The following RPAP2 variants were observed in gnomAD, a reference collection of about 807,000 sequenced individuals.
RPAP2 encodes the protein putative RNA polymerase II subunit B1 CTD phosphatase RPAP2.
Under a neutral mutation model 73.1 loss-of-function variants are expected in RPAP2, and 52 were observed. The observed-to-expected ratio is 0.71, with a 90% CI of 0.57 to 0.90. RPAP2 has a LOEUF of 0.90. Ranked by LOEUF, RPAP2 falls within the 40% of genes least tolerant of loss-of-function variation. RPAP2 has a pLI of 0.00. For missense variants in RPAP2, 598 were observed against 701.8 expected (o/e 0.85, Z 1.67); for synonymous variants, 225 against 242.1 (o/e 0.93, Z 0.65).
At chr1:92,325,656 A>C (rs1652579914) in intron 8 of RPAP2, among the ~76,000 whole-genome samples, 2 of 152,180 alleles carry the variant, frequency 1.3e-5, no homozygotes, top group South Asian at 4.1e-4. Flanking sequence ...TCACATATGA[A>C]TGTCCTGATG....
Position 92,387,878 on chromosome 1 carries a change from A to C in RPAP2, c.*867A>C, listed in dbSNP as rs951489739. The C allele has an allele frequency of 3.9e-5, 6 of 152,196 alleles. No homozygotes were observed. The highest frequency in any genetic ancestry group is 6.5e-5 in the Admixed American group (1 of 15,268). The allele number at this position is 152,196 out of a possible 1,614,324, so 9.4% of individuals were successfully genotyped here. On this transcript the variant is annotated 3_prime_UTR_variant, in exon 13 of 13. Coordinates refer to ENST00000610020, the MANE Select transcript of RPAP2 (RefSeq NM_024813.3). ...ACTTCAGTTCAGGTTGTATGGCAGT[A>C]GGCCATAGAATTGGCTACTGCCATA...
intron 11 of RPAP2, among the ~76,000 whole-genome samples, chr1:92,354,379 A>G (rs1557620600): frequency 6.6e-6 from 1 of 152,240 alleles, no homozygotes; most frequent in Non-Finnish European, 1.5e-5. Flanking sequence ...AATGATAAAG[A>G]AAAGCTTTTC....
At chr1:92,380,278 CAAA>C (rs66801616) in intron 11 of RPAP2, among the ~76,000 whole-genome samples, 1 of 117,224 alleles carries the variant, frequency 8.5e-6, no homozygotes, top group Non-Finnish European at 1.9e-5. Context: ...GACTCTGCCT[CAAA>C]AAAAAAAAAA....
At chr1:92,352,030 G>A (rs1168996434) in intron 11 of RPAP2, among the ~76,000 whole-genome samples, 1 of 152,022 alleles carries the variant, frequency 6.6e-6, no homozygotes, top group African/African-American at 2.4e-5. Flanking sequence ...AAAGGATAGA[G>A]GATAAAGTGA....
At chr1:92,377,428 T>C (rs1425632560) in intron 11 of RPAP2, among the ~76,000 whole-genome samples, 1 of 145,298 alleles carries the variant, frequency 6.9e-6, no homozygotes, top group Non-Finnish European at 1.5e-5. Flanking sequence ...TGAGGCAGGA[T>C]AATCGCTTGA....
At chr1:92,328,603 C>T (rs997365223) in intron 8 of RPAP2, among the ~76,000 whole-genome samples, 4 of 152,166 alleles carry the variant, frequency 2.6e-5, no homozygotes, top group East Asian at 1.9e-4. Flanking sequence ...TCTGGTGCCT[C>T]CTTGATTAGC....
intron 10 of RPAP2, among the ~76,000 whole-genome samples, chr1:92,344,232 A>G (rs1653757421): frequency 6.6e-6 from 1 of 152,158 alleles, no homozygotes; most frequent in Admixed American, 6.6e-5. Context: ...CAACATAGTG[A>G]AAGCCCACCT....
Position 92,324,113 on chromosome 1 carries a change from C to G in RPAP2, c.1193C>G (p.Pro398Arg). ...GQNYASVCLK[P>R]EASLVKEELD... ...AATTATGCTTCTGTGTGTCTGAAAC[C>G]CGAAGCCTCTCTGGTTAAAGAAGAA... Residue 398 changes from proline (P) to arginine (R), a missense_variant, in exon 8 of 13, where the codon CCC becomes CGC. By Grantham distance (103) the Pro-to-Arg change is moderately radical. This residue lies in a region of RPAP2 where 506 missense variants were observed against 612.8 expected (regional missense o/e 0.83). Transcript: ENST00000610020. 1 of 1,614,048 alleles carries G rather than the reference C, an allele frequency of 6.2e-7. No individual in the cohort carries two copies. Among genetic ancestry groups the G allele is most frequent in the Non-Finnish European group, 8.5e-7 (1 of 1,179,982 alleles).
chr1:92,361,404 G>A (rs1261596894), intron 11 of RPAP2, among the ~76,000 whole-genome samples: 2 of 152,124 alleles, frequency 1.3e-5, no homozygotes, highest in African/African-American at 4.8e-5. Flanking sequence ...TACATCAAAA[G>A]AATGAATGGA....
intron 11 of RPAP2, among the ~76,000 whole-genome samples, chr1:92,365,499 G>A (rs764544875): frequency 1.3e-5 from 2 of 152,182 alleles, no homozygotes; most frequent in African/African-American, 2.4e-5. Context: ...ATTTGTGCAG[G>A]CAGAATTGAG....
At chr1:92,378,098 C>A (rs1655466608) in intron 11 of RPAP2, among the ~76,000 whole-genome samples, 1 of 152,144 alleles carries the variant, frequency 6.6e-6, no homozygotes, top group African/African-American at 2.4e-5. Context: ...ATTGAGAAAA[C>A]CTTATTTTCA....
chr1:92,380,635 C>G (rs1258164656), intron 11 of RPAP2, 89 bp from the exon 12 acceptor site: 11 of 854,548 alleles, frequency 1.3e-5, no homozygotes, highest in Non-Finnish European at 1.9e-5. Flanking sequence ...TTATTATTCT[C>G]ATAAAATTTT....
chr1:92,300,117 A>T, intron 1 of RPAP2, 77 bp from the exon 2 acceptor site: 1 of 970,044 alleles, frequency 1.0e-6, no homozygotes, highest in Non-Finnish European at 1.6e-6. Context: ...TTTTAATCTT[A>T]TGAGACCGCT....
chr1:92,373,738 A>AT (rs1655258123), intron 11 of RPAP2, among the ~76,000 whole-genome samples: 1 of 105,538 alleles, frequency 9.5e-6, no homozygotes, highest in Non-Finnish European at 1.8e-5. Flanking sequence ...TCTACTAAAA[A>AT]TAAAAAAAAA....
In RPAP2 at chr1:92,398,539, G is replaced by A. The variant is rs902005996; in HGVS notation, c.*11528G>A. ...AATCTTTAGTAGCCTCACATTATAA[G>A]CCCTTCGTAGAAAAAGAAAAGTAAG... On this transcript the variant is annotated 3_prime_UTR_variant, in exon 13 of 13. Transcript: ENST00000610020. 6.6e-6 allele frequency: 1 copy of A among 152,166 alleles called. No homozygotes were observed. The highest frequency in any genetic ancestry group is 2.4e-5 in the African/African-American group (1 of 41,422). 9.4% of individuals were successfully genotyped at this position (152,166 alleles called of 1,614,324 possible).
chr1:92,342,508 C>A (rs1653653864), intron 10 of RPAP2, among the ~76,000 whole-genome samples: 1 of 152,076 alleles, frequency 6.6e-6, no homozygotes, highest in African/African-American at 2.4e-5. Context: ...AGGGTAATTG[C>A]TAGGTTCTGA....
intron 6 of RPAP2, among the ~76,000 whole-genome samples, chr1:92,317,762 T>C (rs1652007276): frequency 6.6e-6 from 1 of 152,212 alleles, no homozygotes; most frequent in African/African-American, 2.4e-5. Flanking sequence ...CTTTTTCCCT[T>C]GCCTTCTTTA....
intron 8 of RPAP2, among the ~76,000 whole-genome samples, chr1:92,326,199 A>G (rs1271881867): frequency 6.6e-6 from 1 of 152,004 alleles, no homozygotes; most frequent in Non-Finnish European, 1.5e-5. Flanking sequence ...TGATATAGTT[A>G]GTTTTAGCCA....
chr1:92,385,450 T>A (rs1367820464), intron 12 of RPAP2, among the ~76,000 whole-genome samples: 2 of 152,188 alleles, frequency 1.3e-5, no homozygotes, highest in Admixed American at 1.3e-4. Context: ...CCAGATTACT[T>A]TGTCAGTATT....
Sources: gnomAD v4.1 joint callset for allele counts (sites outside exome capture counted in the v4.1 genomes callset) on GRCh38, gnomAD v4.1.1 for gene constraint, gnomAD v4.1.1 regional missense constraint, MANE v1.5 for transcripts, NCBI Gene and HGNC (gene_info 2026-07-23, HGNC 2026-07-21) for gene names.